Variants in HEXB observed in about 807,000 individuals in gnomAD.
The protein encoded by HEXB is hexosaminidase subunit beta.
In HEXB, 51 loss-of-function variants were observed where a neutral mutation model predicts 71.2. The ratio of observed to expected loss-of-function variants is 0.72; its 90% CI spans 0.57 to 0.90. The LOEUF is 0.90. Among genes scored for constraint, HEXB ranks in the 40% least tolerant of loss-of-function variants. HEXB has a pLI of 0.00. For synonymous variants in HEXB, 266 were observed against 249.3 expected (o/e 1.07, Z -0.63); for missense variants, 617 against 677.0 (o/e 0.91, Z 0.98).
intron 1 of HEXB, among the ~76,000 whole-genome samples, chr5:74,654,139 G>C (rs1430153436): frequency 6.6e-6 from 1 of 152,094 alleles, no homozygotes; most frequent in Non-Finnish European, 1.5e-5. Flanking sequence ...CACACTAGGT[G>C]CTCCTGAGTG....
intron 1 of HEXB, among the ~76,000 whole-genome samples, chr5:74,678,182 C>A (rs1748670912): frequency 6.6e-6 from 1 of 152,006 alleles, no homozygotes; most frequent in Non-Finnish European, 1.5e-5. Flanking sequence ...CCTGTAATCC[C>A]AGCTCCTTGG....
chr5:74,707,159 G>A (rs1325034947), intron 6 of HEXB, among the ~76,000 whole-genome samples: 2 of 152,128 alleles, frequency 1.3e-5, no homozygotes, highest in Non-Finnish European at 2.9e-5. Flanking sequence ...TGCAGACACC[G>A]CTGCTGATAC....
chr5:74,689,368 GAA>G lies in HEXB; in HGVS notation c.341_342del (p.Glu114AlafsTer3). On this transcript the variant is annotated frameshift_variant, in exon 2 of 14. Transcript: ENST00000261416. LOFTEE classifies it high-confidence loss of function. ...YIFGFYKWHH[E>X]PAEFQAKTQV... ...TTTTGGTTTCTACAAGTGGCATCAT[GAA>G]CCTGCTGAATTCCAGGCTAAAACCC... The G allele has an allele frequency of 6.2e-7, 1 of 1,612,928 alleles. No homozygotes were observed. The highest frequency in any genetic ancestry group is 1.7e-5 in the Admixed American group (1 of 60,014).
Position 74,685,517 on chromosome 5 carries a change from C to T in HEXB, c.257C>T (p.Thr86Met), listed in dbSNP as rs765020778. 6 of 1,604,184 alleles carry T rather than the reference C, an allele frequency of 3.7e-6. No homozygotes were observed. The highest frequency in any genetic ancestry group is 5.1e-6 in the Non-Finnish European group (6 of 1,175,550). The change falls in exon 1 of 14, where the codon ACG becomes ATG. Residue 86 changes from threonine (T) to methionine (M), a missense_variant. Coordinates refer to ENST00000261416, the MANE Select transcript of HEXB (RefSeq NM_000521.4). ...NFYISHSPNSTAGPSCTLLEE... is the reference protein window; with the variant it reads ...NFYISHSPNSMAGPSCTLLEE... ...TACATCAGCCACAGCCCCAATTCCA[C>T]GGCGGGCCCCTCCTGCACCCTGCTG...
rs820877 is a variant in HEXB at position 74,693,472 on chromosome 5, C to T, written c.446-167C>T. 0.91 allele frequency: 617,571 copies of T among 680,064 alleles called. 280,997 individuals are homozygous for T. The highest frequency in any genetic ancestry group is 0.93 in the Non-Finnish European group (344,191 of 371,934). 42.1% of individuals were successfully genotyped at this position (680,064 alleles called of 1,614,324 possible). ...GTTGGGGCATGTGGAGTCGAAGGAA[C>T]CTGCAGGACATCCAAATGGAGATGT... On this transcript the variant is annotated intron_variant, in intron 2 of 13. Transcript: ENST00000261416.
At chr5:74,651,794 A>G (rs927467780) in intron 1 of HEXB, among the ~76,000 whole-genome samples, 2 of 152,222 alleles carry the variant, frequency 1.3e-5, no homozygotes, top group African/African-American at 4.8e-5. Context: ...CAAGTCACCC[A>G]AAGGCTGAGG....
At position 74,693,739 on chromosome 5, in the gene HEXB, T is replaced by C. The variant is rs747442543; in HGVS notation, c.511+35T>C. 8.6e-6 allele frequency: 13 copies of C among 1,514,190 alleles called. No individual in the cohort carries two copies. In the Admixed American group the frequency reaches 2.2e-4, roughly 25 times the overall value. 93.8% of individuals were successfully genotyped at this position (1,514,190 alleles called of 1,614,324 possible). A position where few individuals can be genotyped will look rare whatever the true frequency, so the allele number is the denominator to read the frequency against. On this transcript the variant is annotated intron_variant, in intron 3 of 13. Coordinates refer to ENST00000261416, the MANE Select transcript of HEXB (RefSeq NM_000521.4). The stretch of plus-strand genomic sequence containing the variant: ...ATGCAGTTTCATTGTTACTTTCCAG[T>C]AAAGGAAAATTTTCAGTTGGTGCTT...
chr5:74,648,642 G>A (rs886341069), intron 1 of HEXB, among the ~76,000 whole-genome samples: 4 of 152,182 alleles, frequency 2.6e-5, no homozygotes, highest in African/African-American at 7.2e-5. Flanking sequence ...AAAGTGAACA[G>A]GAACACCTAG....
intron 1 of HEXB, among the ~76,000 whole-genome samples, chr5:74,661,541 GTGTGTGTGTGTGTGTGTGTGTGTC>G (rs1324565251): frequency 2.9e-4 from 42 of 147,042 alleles, no homozygotes; most frequent in African/African-American, 1.1e-3. Flanking sequence ...GTGTGTGTGT[GTGTGTGTGTGTGTGTGTGTGTGTC>G]TCTCTCTCTC....
chr5:74,701,366 T>A (rs1749257020), intron 5 of HEXB, among the ~76,000 whole-genome samples: 1 of 152,212 alleles, frequency 6.6e-6, no homozygotes, highest in Non-Finnish European at 1.5e-5. Flanking sequence ...GAATTTACTT[T>A]AGTGTATCAA....
chr5:74,702,982 C>T (rs552339132), intron 5 of HEXB, among the ~76,000 whole-genome samples: 123 of 152,310 alleles, frequency 8.1e-4, no homozygotes, highest in African/African-American at 1.2e-3. Context: ...GATGGAGTTT[C>T]GCTCTTGTCG....
Position 74,652,461 on chromosome 5 carries a change from G to A in HEXB, c.-377+11903G>A, listed in dbSNP as rs375104867. On this transcript the variant is annotated intron_variant, in intron 1 of 13. Coordinates refer to the HEXB transcript ENST00000511181. The surrounding 1 kb of genome is among the most constrained non-coding windows in gnomAD (Gnocchi z 5.4). The stretch of plus-strand genomic sequence containing the variant: ...AATCAATGGTACGAAAATTGCAGCC[G>A]CTCCCATGTGTTGGGATGTTTTGCA... Among the ~76,000 whole-genome samples, 38 of 152,284 alleles carry A rather than the reference G, an allele frequency of 2.5e-4. No individual in the cohort carries two copies. The highest frequency in any genetic ancestry group is 6.5e-4 in the African/African-American group (27 of 41,552).
At chr5:74,684,675 T>C (rs1215179308), upstream of HEXB, among the ~76,000 whole-genome samples, 2 of 128,176 alleles carry the variant, frequency 1.6e-5, no homozygotes, top group African/African-American at 6.8e-5. Flanking sequence ...TTTTCTTTTC[T>C]TTTTTTTTTT....
intron 6 of HEXB, among the ~76,000 whole-genome samples, chr5:74,707,134 G>T (rs1201500668): frequency 1.3e-5 from 2 of 150,780 alleles, no homozygotes; most frequent in African/African-American, 4.9e-5. Flanking sequence ...CACGGTTCAC[G>T]AAAAACCACT....
At chr5:74,683,792 G>C (rs1748783164), upstream of HEXB, among the ~76,000 whole-genome samples, 1 of 151,228 alleles carries the variant, frequency 6.6e-6, no homozygotes, top group East Asian at 2.0e-4. Context: ...ATTTTCTGAG[G>C]CCCAATAATC....
intron 5 of HEXB, among the ~76,000 whole-genome samples, chr5:74,698,597 A>G (rs1054060199): frequency 4.1e-5 from 6 of 147,804 alleles, no homozygotes; most frequent in Non-Finnish European, 8.9e-5. Flanking sequence ...TCACCATGTT[A>G]GCCAGGATGT....
At chr5:74,657,918 T>C (rs1234136720) in intron 1 of HEXB, among the ~76,000 whole-genome samples, 1 of 152,194 alleles carries the variant, frequency 6.6e-6, no homozygotes, top group Non-Finnish European at 1.5e-5. Context: ...TCAGTCCACT[T>C]TCCGATTCAA....
intron 1 of HEXB, among the ~76,000 whole-genome samples, chr5:74,688,968 C>T (rs1748933670): frequency 6.6e-6 from 1 of 152,150 alleles, no homozygotes; most frequent in African/African-American, 2.4e-5. Flanking sequence ...TCCCCCTAAC[C>T]CCCACATCCT....
chr5:74,665,401 C>T (rs1037727936), intron 1 of HEXB, among the ~76,000 whole-genome samples: 3 of 146,122 alleles, frequency 2.1e-5, no homozygotes, highest in African/African-American at 7.6e-5. Context: ...CTCATGCCCA[C>T]GCACACTTTT....
Sources: allele counts gnomAD v4.1 joint callset (sites outside exome capture counted in the v4.1 genomes callset), GRCh38; gene constraint gnomAD v4.1.1; non-coding constraint Gnocchi (gnomAD v3.1); transcripts MANE v1.5; gene names NCBI Gene and HGNC (gene_info 2026-07-23, HGNC 2026-07-21).